ITGB1: variants seen among roughly 807,000 people sequenced by gnomAD.
ITGB1 encodes the protein integrin subunit beta 1, also known as integrin beta-1.
A neutral mutation model predicts 86.5 loss-of-function variants in ITGB1; 24 were observed. The observed-to-expected ratio is 0.28, with a 90% CI of 0.20 to 0.39. ITGB1 has a LOEUF of 0.39. Among genes scored for constraint, ITGB1 ranks in the 10% least tolerant of loss-of-function variants. The pLI is 1.00. For missense variants in ITGB1, 556 were observed against 946.9 expected (o/e 0.59, Z 5.42); for synonymous variants, 323 against 316.8 (o/e 1.02, Z -0.21).
At chr10:32,925,834 G>C (rs1393770569) in intron 6 of ITGB1, 37 bp downstream of exon 6, 1 of 1,235,576 alleles carries the variant, frequency 8.1e-7, no homozygotes, top group African/African-American at 1.5e-5. Context: ...ACACATAATA[G>C]AAACAATATC....
At chr10:32,905,595 G>A (rs182998990) in intron 15 of ITGB1, among the ~76,000 whole-genome samples, 50 of 152,334 alleles carry the variant, frequency 3.3e-4, no homozygotes, top group Non-Finnish European at 6.3e-4. Context: ...GGACTCTGGA[G>A]CCCAACTGCC....
In ITGB1 at chr10:32,947,670, G is replaced by A. The variant is rs985816705; in HGVS notation, c.-1+10475C>T. On this transcript the variant is annotated intron_variant, in intron 1 of 15. Coordinates refer to ENST00000302278, the MANE Select transcript of ITGB1 (RefSeq NM_002211.4). ...ATATTGAATAAATGAAGAAACTAAC[G>A]ATAAAAACAACTGGAGATACTCTGA... is the stretch of plus-strand genomic sequence containing the variant. Among the ~76,000 whole-genome samples, 8 of 151,926 alleles carry A rather than the reference G, an allele frequency of 5.3e-5. 1 individual carries two copies. The highest frequency in any genetic ancestry group is 4.6e-4 in the Admixed American group (7 of 15,258).
rs2094945297 is a variant in ITGB1 at position 32,920,306 on chromosome 10, T to G, written c.1208A>C (p.Asn403Thr). 1 of 1,613,374 alleles carries G rather than the reference T, an allele frequency of 6.2e-7. No individual in the cohort carries two copies. The highest frequency in any genetic ancestry group is 1.3e-5 in the African/African-American group (1 of 74,912). Residue 403 changes from asparagine (N) to threonine (T), a missense_variant, in exon 10 of 16, where the codon AAC becomes ACC. Around this residue, in one of 4 missense-constraint regions of ITGB1, gnomAD observed 330 missense variants for 531.5 expected, o/e 0.62. Transcript: ENST00000302278. ...VTISYKSYCK[N>T]GVNGTGENGR... ...ATTTTCCCCTGTTCCATTCACCCCG[T>G]TCTTGCAGTAAGATTTGTAACTTAT...
Position 32,913,326 on chromosome 10 carries a change from T to G in ITGB1, c.1470-1202A>C, listed in dbSNP as rs145349828. ...CCGGACGGAGAATGACTTTGACAAG[T>G]TGAGAGAAGAAGGCTTCAGATAATC... is the stretch of plus-strand genomic sequence containing the variant. On this transcript the variant is annotated intron_variant, in intron 11 of 15. Coordinates refer to ENST00000302278, the MANE Select transcript of ITGB1 (RefSeq NM_002211.4). Among the ~76,000 whole-genome samples, 3 of 152,168 alleles carry G rather than the reference T, an allele frequency of 2.0e-5. No individual in the cohort carries two copies. The South Asian group carries it at 6.2e-4, about 32-fold the overall frequency.
At chr10:32,939,298 G>A (rs1453769829) in intron 1 of ITGB1, among the ~76,000 whole-genome samples, 2 of 152,148 alleles carry the variant, frequency 1.3e-5, no homozygotes, top group Non-Finnish European at 2.9e-5. Context: ...TCCTCTTCAC[G>A]GTCAAAGACC....
intron 5 of ITGB1, 28 bp from the exon 6 acceptor site, chr10:32,926,137 G>A: frequency 7.0e-7 from 1 of 1,423,950 alleles, no homozygotes; most frequent in East Asian, 2.3e-5. Context: ...GTACATAAAT[G>A]AATGAATGGA....
chr10:32,915,829 C>G (rs552714407), intron 11 of ITGB1, among the ~76,000 whole-genome samples: 2 of 152,312 alleles, frequency 1.3e-5, no homozygotes, highest in Non-Finnish European at 2.9e-5. Context: ...CCAGCATCAT[C>G]CTGATACCAA....
intron 11 of ITGB1, among the ~76,000 whole-genome samples, chr10:32,914,746 G>GCC (rs2094926143): frequency 6.6e-6 from 1 of 151,812 alleles, no homozygotes; most frequent in Non-Finnish European, 1.5e-5. Context: ...GTCAACATTA[G>GCC]ACAGACCAAC....
chr10:32,945,919 A>G (rs2095030383), intron 1 of ITGB1, among the ~76,000 whole-genome samples: 1 of 152,230 alleles, frequency 6.6e-6, no homozygotes, highest in South Asian at 2.1e-4. Flanking sequence ...AAATGTATCA[A>G]TTAACATACA....
At chr10:32,957,129 C>A (rs1368189751) in intron 1 of ITGB1, among the ~76,000 whole-genome samples, 1 of 152,114 alleles carries the variant, frequency 6.6e-6, no homozygotes, top group Admixed American at 6.5e-5. Context: ...CTAAACTTGG[C>A]CCTCACTGTC....
chr10:32,912,514 G>A (rs2094916652), intron 11 of ITGB1, among the ~76,000 whole-genome samples: 1 of 152,148 alleles, frequency 6.6e-6, no homozygotes. Context: ...TGGCTCAGAG[G>A]GTCCCATGCC....
chr10:32,917,300 A>T (rs2094934934), intron 11 of ITGB1, among the ~76,000 whole-genome samples: 1 of 152,254 alleles, frequency 6.6e-6, no homozygotes, highest in Admixed American at 6.5e-5. Flanking sequence ...TTCATGACTA[A>T]AACACCAAAA....
At chr10:32,907,137 T>C in intron 15 of ITGB1, 1 of 1,316,160 alleles carries the variant, frequency 7.6e-7, no homozygotes, top group Non-Finnish European at 1.0e-6. Context: ...TAAATCGGAT[T>C]TTCTTGCTAA....
At chr10:32,927,936 T>C (rs1375777195) in intron 5 of ITGB1, among the ~76,000 whole-genome samples, 158 bp downstream of exon 5, 1 of 152,190 alleles carries the variant, frequency 6.6e-6, no homozygotes, top group Non-Finnish European at 1.5e-5. Context: ...TTATTAAACG[T>C]GTGACTGGAA....
chr10:32,907,065 C>T (rs778653860), intron 15 of ITGB1: 1 of 1,349,246 alleles, frequency 7.4e-7, no homozygotes, highest in South Asian at 1.2e-5. Flanking sequence ...ATACGAACGG[C>T]AATTTAGAGA....
intron 2 of ITGB1, 178 bp from the exon 3 acceptor site, chr10:32,932,778 T>G (rs982821062): frequency 4.0e-6 from 2 of 502,052 alleles, no homozygotes; most frequent in Non-Finnish European, 7.2e-6. Flanking sequence ...AATTTTTAAT[T>G]TTTGTGGGTA....
intron 1 of ITGB1, among the ~76,000 whole-genome samples, chr10:32,948,523 G>T (rs1459515366): frequency 6.6e-6 from 1 of 152,132 alleles, no homozygotes. Flanking sequence ...TGTCCCCAAG[G>T]TTCACGTGTT....
In ITGB1 at chr10:32,900,403, T is replaced by A. The variant is rs1393903668; in HGVS notation, c.*1167A>T. On this transcript the variant is annotated 3_prime_UTR_variant, in exon 16 of 16. Coordinates refer to ENST00000302278, the MANE Select transcript of ITGB1 (RefSeq NM_002211.4). ...TCAGAGTCAAGACATCCGATTTAAG[T>A]ATTTTAGGCATATTTAATAAATAAC... The A allele has an allele frequency of 6.6e-6, 1 of 152,532 alleles. No homozygotes were observed. The highest frequency in any genetic ancestry group is 1.5e-5 in the Non-Finnish European group (1 of 67,996). The allele number at this position is 152,532 out of a possible 1,614,324, so 9.4% of individuals were successfully genotyped here. A position where few individuals can be genotyped will look rare whatever the true frequency, so the allele number is the denominator to read the frequency against.
intron 14 of ITGB1, among the ~76,000 whole-genome samples, chr10:32,909,565 C>A (rs1003925244): frequency 2.6e-5 from 4 of 151,998 alleles, no homozygotes; most frequent in African/African-American, 9.7e-5. Context: ...GGCTGGGAGA[C>A]AATATTTGCA....
Sources: allele counts gnomAD v4.1 joint callset (sites outside exome capture counted in the v4.1 genomes callset), GRCh38; gene constraint gnomAD v4.1.1; regional missense constraint gnomAD v4.1.1; transcripts MANE v1.5; gene names NCBI Gene and HGNC (gene_info 2026-07-23, HGNC 2026-07-21).